Variants in SP140 observed in about 807,000 individuals in gnomAD.
The protein encoded by SP140 is SP140 nuclear body protein.
Under a neutral mutation model 125.0 loss-of-function variants are expected in SP140, and 81 were observed. That is an observed-to-expected ratio of 0.65 (90% CI 0.54 to 0.78). The LOEUF (loss-of-function observed/expected upper bound fraction) is 0.78, where lower values mean the gene tolerates loss of function less well. SP140 is among the 30% of genes least tolerant of loss of function. The pLI is 0.00. For synonymous variants in SP140, 312 were observed against 354.0 expected (o/e 0.88, Z 1.33); for missense variants, 858 against 1,037.0 (o/e 0.83, Z 2.37).
At chr2:230,310,357 T>C in intron 23 of SP140, 1 of 481,162 alleles carries the variant, frequency 2.1e-6, no homozygotes, top group South Asian at 2.2e-5. Context: ...TTGTTTATAT[T>C]TTGTGCTTAT....
intron 16 of SP140, 135 bp from the exon 17 acceptor site, chr2:230,285,617 A>G (rs2056274945): frequency 2.8e-6 from 2 of 713,970 alleles, no homozygotes; most frequent in East Asian, 2.5e-5. Flanking sequence ...CACTCCCAAA[A>G]GCAAAAAATG....
intron 1 of SP140, among the ~76,000 whole-genome samples, chr2:230,210,965 G>A (rs13385973): frequency 0.032 from 4,868 of 152,304 alleles, 200 homozygotes; most frequent in African/African-American, 0.094. Flanking sequence ...CATGTCTGCT[G>A]CAGCAATTCA....
intron 1 of SP140, among the ~76,000 whole-genome samples, chr2:230,232,042 C>T (rs1370662567): frequency 6.6e-6 from 1 of 152,108 alleles, no homozygotes; most frequent in Non-Finnish European, 1.5e-5. Flanking sequence ...GACAAGATGG[C>T]CAGAAGGGGC....
At chr2:230,294,084 G>A (rs2057422117) in intron 20 of SP140, among the ~76,000 whole-genome samples, 187 bp from the exon 21 acceptor site, 2 of 152,164 alleles carry the variant, frequency 1.3e-5, no homozygotes, top group Admixed American at 6.5e-5. Context: ...ATGCTTTTCT[G>A]GCTTCTATTG....
intron 12 of SP140, 76 bp downstream of exon 12, chr2:230,255,608 GA>G (rs1575045865): frequency 7.3e-7 from 1 of 1,372,330 alleles, no homozygotes; most frequent in African/African-American, 1.4e-5. Context: ...CGTGTTTCCT[GA>G]TTGACTTTCC....
At position 230,206,595 on chromosome 2, in the gene SP140, TTATATATATATATATATATATATATATA is replaced by T. The variant is rs56817002; in HGVS notation, c.-323+3332_-323+3359del. ...TATTATATATTATCTGGTCCAGATT[TTATATATATATATATATATATATATATA>T]TATATATATATATATGGACCACACT... is the stretch of plus-strand genomic sequence containing the variant. On this transcript the variant is annotated intron_variant, in intron 1 of 4. Coordinates refer to the SP140 transcript ENST00000456542. Among the ~76,000 whole-genome samples the T allele has an allele frequency of 4.0e-4, 28 of 70,530 alleles. 2 individuals carry two copies. The highest frequency in any genetic ancestry group is 8.0e-4 in the East Asian group (1 of 1,244). The allele number at this position is 70,530 out of a possible 152,430, so 46.3% of individuals were successfully genotyped here.
chr2:230,289,612 T>G (rs1180634879), intron 18 of SP140, among the ~76,000 whole-genome samples: 2 of 152,152 alleles, frequency 1.3e-5, no homozygotes, highest in African/African-American at 4.8e-5. Flanking sequence ...GTAGCTGGGA[T>G]TACAGGTGGG....
intron 1 of SP140, among the ~76,000 whole-genome samples, chr2:230,208,526 T>C (rs6719893): frequency 0.02 from 3,013 of 152,078 alleles, 104 homozygotes; most frequent in African/African-American, 0.068. Flanking sequence ...GTAGTTAGGG[T>C]TTGTAGGACT....
In SP140 at chr2:230,212,198, G is replaced by A. The variant is rs181578259; in HGVS notation, c.-322-1456G>A. On this transcript the variant is annotated intron_variant, in intron 1 of 4. Transcript: ENST00000456542. ...TTGTTGGTTTGTTTTGCATTGCTGC[G>A]TTGGTGAATTGGCCCCTTCTGTTTC... The A allele has an allele frequency of 2.5e-4, 172 of 699,188 alleles. 1 individual carries two copies. The Middle Eastern group carries it at 3.4e-3, about 14-fold the overall frequency. 43.3% of individuals were successfully genotyped at this position (699,188 alleles called of 1,614,324 possible).
chr2:230,253,468 T>C (rs765762136), intron 11 of SP140, 51 bp downstream of exon 11: 20 of 1,416,072 alleles, frequency 1.4e-5, no homozygotes, highest in Non-Finnish European at 2.0e-5. Flanking sequence ...TGTTTTCCAG[T>C]TGGCATGGGA....
At chr2:230,200,660 G>A, upstream of SP140, 1 of 581,250 alleles carries the variant, frequency 1.7e-6, no homozygotes, top group East Asian at 2.9e-5. Flanking sequence ...CTTATATAGT[G>A]CAGATATACA....
chr2:230,312,944 A>C lies in SP140; in HGVS notation c.*260A>C. 1 of 368,464 alleles carries C rather than the reference A, an allele frequency of 2.7e-6. No homozygotes were observed. Among genetic ancestry groups the C allele is most frequent in the South Asian group, 2.5e-5 (1 of 40,460 alleles). 22.8% of individuals were successfully genotyped at this position (368,464 alleles called of 1,614,324 possible). A position where few individuals can be genotyped will look rare whatever the true frequency, so the allele number is the denominator to read the frequency against. On this transcript the variant is annotated 3_prime_UTR_variant, in exon 27 of 27. Transcript: ENST00000392045. ...TGTTGGCAGCGACACCATCCCATAC[A>C]GGCTCTTACCTCTTCTCCTGAGGGC...
At chr2:230,221,805 C>G (rs1339034908), upstream of SP140, 24 of 1,298,066 alleles carry the variant, frequency 1.8e-5, no homozygotes, top group Non-Finnish European at 2.4e-5. Flanking sequence ...ATACACCAGG[C>G]AAATGCAAAA....
chr2:230,270,568 C>T lies in SP140; in HGVS notation c.1445-18C>T, dbSNP rs889958421. 1.2e-6 allele frequency: 2 copies of T among 1,602,276 alleles called. No homozygotes were observed. Among genetic ancestry groups the T allele is most frequent in the African/African-American group, 1.3e-5 (1 of 74,422 alleles). ...TTTATTAATTTCTGTTTCCTCACCA[C>T]CACTTGTTATTTTCCAGATACTGTG... is the stretch of plus-strand genomic sequence containing the variant. On this transcript the variant is annotated intron_variant, in intron 14 of 26. Transcript: ENST00000392045.
intron 15 of SP140, among the ~76,000 whole-genome samples, chr2:230,277,546 G>A (rs1381298276): frequency 6.6e-6 from 1 of 152,050 alleles, no homozygotes; most frequent in Non-Finnish European, 1.5e-5. Context: ...TCTAAGATAT[G>A]CCTGTATCTT....
intron 1 of SP140, among the ~76,000 whole-genome samples, chr2:230,231,631 C>T (rs557078651): frequency 3.7e-4 from 57 of 152,296 alleles, no homozygotes; most frequent in African/African-American, 1.2e-3. Flanking sequence ...GGTCTATAAT[C>T]TTATGATTAC....
chr2:230,193,630 A>G, the SP140 span, among the ~76,000 whole-genome samples: 1 of 152,230 alleles, frequency 6.6e-6, no homozygotes, highest in Non-Finnish European at 1.5e-5. Context: ...GCTTTGCCAG[A>G]TACAAAATTC....
intron 8 of SP140, among the ~76,000 whole-genome samples, 191 bp from the exon 9 acceptor site, chr2:230,248,694 G>A (rs1185527534): frequency 6.6e-6 from 1 of 152,194 alleles, no homozygotes; most frequent in Non-Finnish European, 1.5e-5. Context: ...AGGGAATTAT[G>A]TGGAGGCAGA....
At position 230,211,526 on chromosome 2, in the gene SP140, A is replaced by AT. The variant is rs750780366; in HGVS notation, c.-322-2125dup. 1 of 1,611,342 alleles carries AT rather than the reference A, an allele frequency of 6.2e-7. No homozygotes were observed. Among genetic ancestry groups the AT allele is most frequent in the Non-Finnish European group, 8.5e-7 (1 of 1,177,460 alleles). ...CTCTTGAGGGTCTTCTTTATCTCTTATTTGGGGGATCAGGTTGTCACTGGC... is the reference window on the plus strand; with the variant it reads ...CTCTTGAGGGTCTTCTTTATCTCTTATTTTGGGGGATCAGGTTGTCACTGGC... On this transcript the variant is annotated intron_variant, in intron 1 of 4. Coordinates refer to the SP140 transcript ENST00000456542. The surrounding 1 kb of genome is among the most constrained non-coding windows in gnomAD (Gnocchi z 4.2).
Sources: allele counts gnomAD v4.1 joint callset (sites outside exome capture counted in the v4.1 genomes callset), GRCh38; gene constraint gnomAD v4.1.1; non-coding constraint Gnocchi (gnomAD v3.1); transcripts MANE v1.5; gene names NCBI Gene and HGNC (gene_info 2026-07-23, HGNC 2026-07-21).